EML6: variants seen among roughly 807,000 people sequenced by gnomAD.
EML6 encodes the protein echinoderm microtubule-associated protein-like 6.
Under a neutral mutation model 240.1 loss-of-function variants are expected in EML6, and 154 were observed. The ratio of observed to expected loss-of-function variants is 0.64; its 90% CI spans 0.56 to 0.73. The LOEUF (loss-of-function observed/expected upper bound fraction) is 0.73, where lower values mean the gene tolerates loss of function less well. Ranked by LOEUF, EML6 falls within the 30% of genes least tolerant of loss-of-function variation. The pLI is 0.00. For synonymous variants in EML6, 1,148 were observed against 899.0 expected (o/e 1.28, Z -4.95); for missense variants, 2,964 against 2,474.6 (o/e 1.20, Z -4.20).
At position 54,971,612 on chromosome 2, in the gene EML6, C is replaced by G. The variant is rs1677016070; in HGVS notation, c.*1517C>G. On this transcript the variant is annotated 3_prime_UTR_variant, in exon 42 of 42. Coordinates refer to ENST00000356458, the MANE Select transcript of EML6 (RefSeq NM_001039753.4). The stretch of plus-strand genomic sequence containing the variant: ...TTTTTATATGCCAATTTACTAATGC[C>G]TTACATCAATCCACTAATAGGTTGT... The G allele has an allele frequency of 1.3e-5, 2 of 152,166 alleles. No individual in the cohort carries two copies. Among genetic ancestry groups the G allele is most frequent in the Admixed American group, 6.5e-5 (1 of 15,286 alleles). 9.4% of individuals were successfully genotyped at this position (152,166 alleles called of 1,614,324 possible). A position where few individuals can be genotyped will look rare whatever the true frequency, so the allele number is the denominator to read the frequency against.
At chr2:54,933,013 G>T (rs148163976) in intron 28 of EML6, among the ~76,000 whole-genome samples, 1 of 152,310 alleles carries the variant, frequency 6.6e-6, no homozygotes, top group East Asian at 1.9e-4. Context: ...CTTGTTAAGA[G>T]AACTCAAATC....
intron 2 of EML6, among the ~76,000 whole-genome samples, chr2:54,744,003 G>C (rs969639802): frequency 9.2e-5 from 14 of 152,210 alleles, no homozygotes; most frequent in South Asian, 4.1e-4. Context: ...AGGATGTTAG[G>C]AAGTTAGCTG....
At chr2:54,923,367 GCACACACACACACACACACACA>G (rs113101367) in intron 26 of EML6, among the ~76,000 whole-genome samples, 1 of 144,364 alleles carries the variant, frequency 6.9e-6, no homozygotes, top group Non-Finnish European at 1.5e-5. Context: ...CTCACCAAAC[GCACACACACACACACACACACA>G]CACACACACA....
At chr2:54,835,915 A>G (rs1320949712) in intron 7 of EML6, among the ~76,000 whole-genome samples, 4 of 152,132 alleles carry the variant, frequency 2.6e-5, no homozygotes, top group Non-Finnish European at 5.9e-5. Context: ...CAAAAGACCA[A>G]CTCTCAAACC....
chr2:54,961,939 G>C (rs1308327857), intron 35 of EML6, among the ~76,000 whole-genome samples: 2 of 151,746 alleles, frequency 1.3e-5, no homozygotes, highest in Non-Finnish European at 2.9e-5. Flanking sequence ...AGGAGGCAGA[G>C]GTTGCAGTGA....
chr2:54,839,840 G>A (rs1478348259), intron 7 of EML6, among the ~76,000 whole-genome samples: 1 of 88,484 alleles, frequency 1.1e-5, no homozygotes, highest in Non-Finnish European at 2.1e-5. Context: ...TCATTAGTCT[G>A]GGCTGAGTTG....
chr2:54,731,559 A>G (rs1050916277), intron 2 of EML6, among the ~76,000 whole-genome samples: 2 of 152,094 alleles, frequency 1.3e-5, no homozygotes, highest in Non-Finnish European at 2.9e-5. Context: ...CAAGACTGCA[A>G]TGTGCTGTGA....
intron 28 of EML6, among the ~76,000 whole-genome samples, chr2:54,945,398 G>A (rs1364057099): frequency 6.6e-6 from 1 of 151,322 alleles, no homozygotes. Context: ...TTCCTCCAAG[G>A]ACACTTTGAA....
intron 38 of EML6, chr2:54,966,719 C>G (rs1287206485): frequency 4.9e-6 from 1 of 204,796 alleles, no homozygotes; most frequent in African/African-American, 2.3e-5. Context: ...TAACACATTT[C>G]TAGATGCAGC....
Position 54,948,864 on chromosome 2 carries a change from G to A in EML6, c.4005-18G>A. On this transcript the variant is annotated intron_variant, in intron 28 of 41. Coordinates refer to ENST00000356458, the MANE Select transcript of EML6 (RefSeq NM_001039753.4). ...CCTTGTTCAATGCTGTGCTTCCTCT[G>A]GCCGCTCTCTCTTCCAGACCACCCG... 6.5e-7 allele frequency: 1 copy of A among 1,547,286 alleles called. No individual in the cohort carries two copies. Among genetic ancestry groups the A allele is most frequent in the Non-Finnish European group, 8.7e-7 (1 of 1,143,266 alleles).
At chr2:54,889,906 G>T (rs969953235) in intron 17 of EML6, among the ~76,000 whole-genome samples, 1 of 152,170 alleles carries the variant, frequency 6.6e-6, no homozygotes, top group Non-Finnish European at 1.5e-5. Context: ...ATTCCAGTGT[G>T]TTCTATCTTT....
At chr2:54,924,988 A>G (rs190397053) in intron 26 of EML6, among the ~76,000 whole-genome samples, 1 of 152,352 alleles carries the variant, frequency 6.6e-6, no homozygotes, top group East Asian at 1.9e-4. Flanking sequence ...TGTTGAACAA[A>G]GTTCATTATC....
At position 54,724,223 on chromosome 2, in the gene EML6, G is replaced by A. The variant is rs1021977947; in HGVS notation, c.-513-326G>A. ...TGCTAAGTTCTTTATGGCTTTCTCG[G>A]TGAAGAGAAGGTTCACGGAGGATAT... is the stretch of plus-strand genomic sequence containing the variant. On this transcript the variant is annotated intron_variant, in intron 1 of 41. Coordinates refer to ENST00000356458, the MANE Select transcript of EML6 (RefSeq NM_001039753.4). The surrounding 1 kb of genome is among the most constrained non-coding windows in gnomAD (Gnocchi z 5.2). 6.6e-6 allele frequency among the ~76,000 whole-genome samples: 1 copy of A among 152,110 alleles called. No homozygotes were observed. Among genetic ancestry groups the A allele is most frequent in the Admixed American group, 6.5e-5 (1 of 15,276 alleles).
In EML6 at chr2:54,928,329, T is replaced by G. The variant is rs757103995; in HGVS notation, c.3692T>G (p.Phe1231Cys). ...GCTTTACAGGGACAGCACGCAAGAT[T>G]CAAGAAGTATGTGGGGCACAGTGCA... ...SYPVKGQHAR[F>C]KKYVGHSAHV... Residue 1231 changes from phenylalanine to cysteine, a missense_variant, in exon 27 of 42, where the codon TTC becomes TGC. Physicochemically the swap from Phe to Cys is radical, Grantham distance 205 (BLOSUM62 -2). Coordinates refer to ENST00000356458, the MANE Select transcript of EML6 (RefSeq NM_001039753.4). 1.3e-6 allele frequency: 2 copies of G among 1,551,642 alleles called. No individual in the cohort carries two copies. The highest frequency in any genetic ancestry group is 1.7e-6 in the Non-Finnish European group (2 of 1,147,036).
chr2:54,933,741 GA>G (rs543399763), intron 28 of EML6, among the ~76,000 whole-genome samples: 4 of 149,782 alleles, frequency 2.7e-5, no homozygotes, highest in East Asian at 2.0e-4. Context: ...CAAAAAGAAA[GA>G]AAAAAAAACC....
chr2:54,858,442 T>G (rs1670502734), intron 11 of EML6, among the ~76,000 whole-genome samples: 1 of 152,214 alleles, frequency 6.6e-6, no homozygotes, highest in African/African-American at 2.4e-5. Flanking sequence ...GCCAACACTT[T>G]AAGATCTAAA....
At chr2:54,841,622 C>G (rs1669460786) in intron 7 of EML6, among the ~76,000 whole-genome samples, 1 of 130,962 alleles carries the variant, frequency 7.6e-6, no homozygotes, top group Admixed American at 7.9e-5. Flanking sequence ...GACAATCTTG[C>G]TCTGTCGCCC....
At chr2:54,843,616 G>A (rs185568655) in intron 7 of EML6, among the ~76,000 whole-genome samples, 29 of 152,044 alleles carry the variant, frequency 1.9e-4, no homozygotes, top group Admixed American at 1.4e-3. Flanking sequence ...AGTCCGAGGC[G>A]GGCGGATCAC....
intron 12 of EML6, among the ~76,000 whole-genome samples, chr2:54,863,526 A>G (rs1670795371): frequency 6.6e-6 from 1 of 152,134 alleles, no homozygotes; most frequent in Non-Finnish European, 1.5e-5. Flanking sequence ...AAAAAAGTAT[A>G]AATGAGTTTA....
Sources: gnomAD v4.1 joint callset for allele counts (sites outside exome capture counted in the v4.1 genomes callset) on GRCh38, gnomAD v4.1.1 for gene constraint, Gnocchi (gnomAD v3.1) non-coding constraint, MANE v1.5 for transcripts, NCBI Gene and HGNC (gene_info 2026-07-23, HGNC 2026-07-21) for gene names.